NEDD4L: variants seen among roughly 807,000 people sequenced by gnomAD.
NEDD4L encodes the protein E3 ubiquitin-protein ligase NEDD4-like.
A neutral mutation model predicts 148.9 loss-of-function variants in NEDD4L; 54 were observed. The observed-to-expected ratio is 0.36, with a 90% CI of 0.29 to 0.45. The LOEUF (loss-of-function observed/expected upper bound fraction) is 0.45, where lower values mean the gene tolerates loss of function less well. NEDD4L is among the 20% of genes least tolerant of loss of function. The pLI, the probability that NEDD4L is intolerant of heterozygous loss-of-function variation, is 1.00. For missense variants in NEDD4L, 856 were observed against 1,233.8 expected, an observed-to-expected ratio of 0.69 and a Z score of 4.59; for synonymous variants, 433 against 440.7, an observed-to-expected ratio of 0.98 and a Z score of 0.22.
At chr18:58,284,844 AG>A (rs1173746964) in intron 5 of NEDD4L, among the ~76,000 whole-genome samples, 1 of 152,184 alleles carries the variant, frequency 6.6e-6, no homozygotes, top group East Asian at 1.9e-4. Context: ...TTAACCCCAC[AG>A]GGCTATGTGG....
chr18:58,349,207 C>T (rs2043548768), intron 16 of NEDD4L, among the ~76,000 whole-genome samples: 1 of 152,138 alleles, frequency 6.6e-6, no homozygotes, highest in Non-Finnish European at 1.5e-5. Flanking sequence ...GTGCCACATT[C>T]ACTGGCACCC....
chr18:58,109,013 A>G (rs2085249604), intron 1 of NEDD4L, among the ~76,000 whole-genome samples: 1 of 152,250 alleles, frequency 6.6e-6, no homozygotes. Context: ...GAAAGTGGAT[A>G]GCTAAAAGTG....
At chr18:58,227,296 G>A (rs1180679098) in intron 2 of NEDD4L, among the ~76,000 whole-genome samples, 1 of 152,178 alleles carries the variant, frequency 6.6e-6, no homozygotes, top group African/African-American at 2.4e-5. Context: ...GTTGAATGAA[G>A]AAATGGGAGA....
intron 16 of NEDD4L, among the ~76,000 whole-genome samples, chr18:58,344,821 A>G (rs945899945): frequency 1.3e-5 from 2 of 152,224 alleles, no homozygotes; most frequent in Non-Finnish European, 2.9e-5. Flanking sequence ...CCTTAGCCAG[A>G]AACAGGCTCC....
intron 2 of NEDD4L, chr18:58,221,524 T>C (rs930803686): frequency 1.8e-5 from 18 of 984,608 alleles, no homozygotes; most frequent in Non-Finnish European, 2.2e-5. Context: ...TACCTGTCAT[T>C]GAAGTGAATC....
intron 2 of NEDD4L, among the ~76,000 whole-genome samples, chr18:58,213,026 T>G (rs1056683831): frequency 9.2e-5 from 14 of 152,206 alleles, no homozygotes; most frequent in Non-Finnish European, 1.5e-4. Flanking sequence ...CAATGAGACG[T>G]TACTTTAAAC....
chr18:58,149,477 C>A, intron 1 of NEDD4L: 1 of 1,550,204 alleles, frequency 6.5e-7, no homozygotes. Flanking sequence ...ACTTGCTCTG[C>A]CCTTGAGTTT....
intron 1 of NEDD4L, among the ~76,000 whole-genome samples, chr18:58,049,459 T>C (rs1471807372): frequency 6.6e-6 from 1 of 152,186 alleles, no homozygotes; most frequent in Admixed American, 6.5e-5. Flanking sequence ...AGATTTTGCT[T>C]GGATCTCAAG....
intron 1 of NEDD4L, among the ~76,000 whole-genome samples, chr18:58,145,308 G>A (rs1208691399): frequency 2.0e-5 from 3 of 152,302 alleles, no homozygotes; most frequent in East Asian, 1.9e-4. Context: ...ACCAGACTAC[G>A]TGACAGTCTG....
At chr18:58,068,572 C>T (rs2082723596) in intron 1 of NEDD4L, among the ~76,000 whole-genome samples, 1 of 152,142 alleles carries the variant, frequency 6.6e-6, no homozygotes, top group Non-Finnish European at 1.5e-5. Context: ...TTAGTCTCAG[C>T]AGATGGAAAA....
At chr18:58,217,633 A>G (rs2043286929) in intron 2 of NEDD4L, among the ~76,000 whole-genome samples, 2 of 152,162 alleles carry the variant, frequency 1.3e-5, no homozygotes, top group African/African-American at 4.8e-5. Context: ...ATGCCACCAT[A>G]CCCAGCTAAT....
chr18:58,370,523 A>C, intron 23 of NEDD4L, 56 bp downstream of exon 23: 1 of 1,137,870 alleles, frequency 8.8e-7, no homozygotes, highest in Non-Finnish European at 1.3e-6. Context: ...TCTTATGAGA[A>C]GGTATTGGAG....
intron 18 of NEDD4L, among the ~76,000 whole-genome samples, chr18:58,356,481 T>C (rs1006842964): frequency 3.3e-5 from 5 of 152,128 alleles, no homozygotes; most frequent in African/African-American, 1.2e-4. Context: ...CACCAAGTGA[T>C]CTAAGGCAGC....
chr18:58,287,018 C>T (rs2054006821), intron 5 of NEDD4L, among the ~76,000 whole-genome samples: 1 of 151,802 alleles, frequency 6.6e-6, no homozygotes, highest in East Asian at 1.9e-4. Context: ...AACATTTATA[C>T]AAAAGGAATT....
At chr18:58,067,095 T>C (rs2082639439) in intron 1 of NEDD4L, among the ~76,000 whole-genome samples, 1 of 152,204 alleles carries the variant, frequency 6.6e-6, no homozygotes, top group South Asian at 2.1e-4. Flanking sequence ...AAGTCAACTT[T>C]AATGAGTTTT....
At chr18:58,080,368 G>A (rs2145085737) in intron 1 of NEDD4L, among the ~76,000 whole-genome samples, 1 of 152,332 alleles carries the variant, frequency 6.6e-6, no homozygotes, top group East Asian at 1.9e-4. Context: ...CACCCTTTGA[G>A]GTTTTTGGTT....
intron 5 of NEDD4L, among the ~76,000 whole-genome samples, chr18:58,267,150 G>A (rs1011464100): frequency 5.3e-5 from 8 of 151,770 alleles, no homozygotes; most frequent in Non-Finnish European, 1.2e-4. Flanking sequence ...ATTATTTTTC[G>A]CTCATGAAAA....
At chr18:58,096,008 GC>G (rs1457864776) in intron 1 of NEDD4L, among the ~76,000 whole-genome samples, 2 of 151,918 alleles carry the variant, frequency 1.3e-5, no homozygotes, top group Non-Finnish European at 2.9e-5. Flanking sequence ...TTCCAGTGTG[GC>G]CCAGGGAAGC....
intron 1 of NEDD4L, among the ~76,000 whole-genome samples, chr18:58,067,963 T>G (rs2082684464): frequency 6.6e-6 from 1 of 152,086 alleles, no homozygotes; most frequent in Non-Finnish European, 1.5e-5. Flanking sequence ...GGTACAGATT[T>G]TTTTGTTTGC....
Sources: gnomAD v4.1 joint callset for allele counts (sites outside exome capture counted in the v4.1 genomes callset) on GRCh38, gnomAD v4.1.1 for gene constraint, MANE v1.5 for transcripts, NCBI Gene and HGNC (gene_info 2026-07-23, HGNC 2026-07-21) for gene names.